The following LRRK2 variants were observed in gnomAD, a reference collection of about 807,000 sequenced individuals.
The protein encoded by LRRK2 is leucine rich repeat kinase 2.
A neutral mutation model predicts 302.6 loss-of-function variants in LRRK2; 203 were observed. That is an observed-to-expected ratio of 0.67 (90% CI 0.60 to 0.75). The LOEUF is 0.75. Among genes scored for constraint, LRRK2 ranks in the 30% least tolerant of loss-of-function variants. LRRK2 has a pLI of 0.00. For synonymous variants in LRRK2, 1,066 were observed against 1,031.9 expected (o/e 1.03, Z -0.63); for missense variants, 2,830 against 2,951.0 (o/e 0.96, Z 0.95).
rs964080333 is a variant in LRRK2, at chr12:40,257,292, G to A, written c.1333G>A (p.Val445Ile). The A allele has an allele frequency of 6.3e-7, 1 of 1,598,812 alleles. No individual in the cohort carries two copies. The highest frequency in any genetic ancestry group is 1.3e-5 in the African/African-American group (1 of 74,574). ...ILLSKGIHLN[V>I]LELMQKHIHS... is the part of the protein sequence containing the mutation. Reference sequence around the variant, plus strand: ...GTTATCAAAAGGAATACACCTGAATGTTTTGGAGTTAATGCAGAAGCATAT... The same window carrying A: ...GTTATCAAAAGGAATACACCTGAATATTTTGGAGTTAATGCAGAAGCATAT... The change falls in exon 12 of 51, where the codon GTT (valine) becomes ATT (isoleucine). Residue 445 changes from valine to isoleucine, a missense_variant. Physicochemically the swap from Val to Ile is conservative, Grantham distance 29. Around this residue, in one of 3 missense-constraint regions of LRRK2, gnomAD observed 2,121 missense variants for 2,148.0 expected, o/e 0.99. Transcript: ENST00000298910.
chr12:40,299,231 G>A lies in LRRK2; in HGVS notation c.3470G>A (p.Ser1157Asn). Residue 1157 changes from serine (S) to asparagine (N), a missense_variant, in exon 25 of 51, where the codon AGT (serine) becomes AAT (asparagine). By Grantham distance (46) the Ser-to-Asn change is conservative. Coordinates refer to ENST00000298910, the MANE Select transcript of LRRK2 (RefSeq NM_198578.4). Reference sequence around the variant, plus strand: ...CTTGAGGCTTGTCCTAAAGTGGAGAGTTTCAGTGCCAGAATGAATTTTCTT... The same window carrying A: ...CTTGAGGCTTGTCCTAAAGTGGAGAATTTCAGTGCCAGAATGAATTTTCTT... ...NFLEACPKVE[S>N]FSARMNFLAA... is the part of the protein sequence containing the mutation. 1 of 1,613,440 alleles carries A rather than the reference G, an allele frequency of 6.2e-7. No homozygotes were observed. The highest frequency in any genetic ancestry group is 8.5e-7 in the Non-Finnish European group (1 of 1,179,716).
chr12:40,310,409 GGTT>G lies in LRRK2; in HGVS notation c.4318-21_4318-19del. ...CCCAGTTTGAAAGCAAACACAAGAG[GGTT>G]TTGTGTCTTTCCCTCCAGGCTCGCG... is the stretch of plus-strand genomic sequence containing the variant. On this transcript the variant is annotated intron_variant, in intron 30 of 50. Transcript: ENST00000298910. 6.2e-7 allele frequency: 1 copy of G among 1,608,400 alleles called. No individual in the cohort carries two copies. Among genetic ancestry groups the G allele is most frequent in the South Asian group, 1.1e-5 (1 of 90,830 alleles).
chr12:40,308,048 G>A (rs1009451525), intron 28 of LRRK2, among the ~76,000 whole-genome samples: 2 of 151,938 alleles, frequency 1.3e-5, no homozygotes, highest in African/African-American at 4.8e-5. Context: ...CCAAAATGCA[G>A]GGATTACAGG....
At chr12:40,353,740 G>A (rs1162128193) in intron 44 of LRRK2, among the ~76,000 whole-genome samples, 2 of 152,238 alleles carry the variant, frequency 1.3e-5, no homozygotes, top group Admixed American at 6.5e-5. Flanking sequence ...CCGGCACCTC[G>A]GGAGGCCGAG....
chr12:40,230,104 AGCTTAC>A (rs1215235984), intron 2 of LRRK2, among the ~76,000 whole-genome samples: 1 of 152,060 alleles, frequency 6.6e-6, no homozygotes, highest in East Asian at 1.9e-4. Context: ...ACGTCTGTTC[AGCTTAC>A]GTGGAGGAGG....
At chr12:40,321,307 C>T in intron 35 of LRRK2, 119 bp downstream of exon 35, 1 of 1,028,286 alleles carries the variant, frequency 9.7e-7, no homozygotes, top group Non-Finnish European at 1.4e-6. Context: ...TCAGAGTTTA[C>T]TTGTTTGGAA....
rs1941414724 is a variant in LRRK2, at chr12:40,235,606, A to T, written c.348-20A>T. The T allele has an allele frequency of 7.2e-6, 11 of 1,517,908 alleles. No individual in the cohort carries two copies. The East Asian group carries it at 2.5e-4, about 34-fold the overall frequency. The allele number at this position is 1,517,908 out of a possible 1,614,324, so 94.0% of individuals were successfully genotyped here. A position where few individuals can be genotyped will look rare whatever the true frequency, so the allele number is the denominator to read the frequency against. ...AGTATGATATTTCATTCTTATCTTG[A>T]TTTCTGTTTTTAACTCCAGATTGAT... On this transcript the variant is annotated intron_variant, in intron 3 of 50. Coordinates refer to ENST00000298910, the MANE Select transcript of LRRK2 (RefSeq NM_198578.4).
intron 43 of LRRK2, among the ~76,000 whole-genome samples, chr12:40,350,683 A>AT (rs1946323535): frequency 6.6e-6 from 1 of 151,950 alleles, no homozygotes; most frequent in Non-Finnish European, 1.5e-5. Context: ...ATATTACATA[A>AT]TTTTTCTTCT....
chr12:40,354,835 AAAAAAAAAATAT>A (rs1465147187), intron 45 of LRRK2, among the ~76,000 whole-genome samples: 85 of 149,282 alleles, frequency 5.7e-4, no homozygotes, highest in Admixed American at 2.6e-3. Flanking sequence ...ATTCTTTGAA[AAAAAAAAAATAT>A]ATATATATAT....
chr12:40,294,595 AC>A (rs1944307767), intron 21 of LRRK2, among the ~76,000 whole-genome samples: 2 of 152,166 alleles, frequency 1.3e-5, no homozygotes, highest in South Asian at 4.1e-4. Context: ...TTTTCACTCA[AC>A]CTTTCTGTTT....
intron 42 of LRRK2, 34 bp from the exon 43 acceptor site, chr12:40,348,375 T>C: frequency 7.1e-7 from 1 of 1,401,628 alleles, no homozygotes; most frequent in Non-Finnish European, 1.0e-6. Context: ...CTTACTTATT[T>C]AGTATGCTAG....
At chr12:40,365,939 T>C (rs1946866604) in intron 49 of LRRK2, 2 of 151,954 alleles carry the variant, frequency 1.3e-5, no homozygotes, top group African/African-American at 4.8e-5. Context: ...TCTCAATAGG[T>C]TGTCTCAGTA....
chr12:40,363,370 A>G (rs536977458), intron 47 of LRRK2, 32 bp from the exon 48 acceptor site: 2 of 1,582,300 alleles, frequency 1.3e-6, no homozygotes, highest in Non-Finnish European at 1.7e-6. Context: ...GAAAACAAAT[A>G]GTGATGACTT....
intron 14 of LRRK2, among the ~76,000 whole-genome samples, chr12:40,268,502 A>G (rs575793624): frequency 2.6e-5 from 4 of 152,312 alleles, no homozygotes; most frequent in African/African-American, 9.6e-5. Context: ...TATGAAGCTT[A>G]GGGGTAGAGA....
intron 19 of LRRK2, among the ~76,000 whole-genome samples, chr12:40,285,050 G>A (rs1429385289): frequency 1.3e-5 from 2 of 151,994 alleles, no homozygotes; most frequent in Non-Finnish European, 2.9e-5. Context: ...GTTCCAATCA[G>A]GCTGAATTTT....
intron 42 of LRRK2, among the ~76,000 whole-genome samples, chr12:40,347,352 A>T (rs1334958238): frequency 6.6e-6 from 1 of 152,210 alleles, no homozygotes; most frequent in African/African-American, 2.4e-5. Flanking sequence ...ATTTAATGTT[A>T]TCAAAGCTCA....
At chr12:40,282,761 G>T (rs891419364) in intron 18 of LRRK2, among the ~76,000 whole-genome samples, 34 of 152,252 alleles carry the variant, frequency 2.2e-4, no homozygotes, top group African/African-American at 7.5e-4. Flanking sequence ...ATAAATGAAT[G>T]TCCCCTCAAA....
chr12:40,284,044 G>C lies in LRRK2; in HGVS notation c.2411G>C (p.Cys804Ser), dbSNP rs748690234. 2.5e-6 allele frequency: 4 copies of C among 1,613,770 alleles called. No individual in the cohort carries two copies. The South Asian group carries it at 4.4e-5, about 18-fold the overall frequency. Residue 804 changes from cysteine (C) to serine (S), a missense_variant, in exon 19 of 51, where the codon TGC becomes TCC. Physicochemically the swap from Cys to Ser is moderately radical, Grantham distance 112 (BLOSUM62 -1). This residue lies in a region of LRRK2 where 2,121 missense variants were observed against 2,148.0 expected (regional missense o/e 0.99). Transcript: ENST00000298910. ...CTGGATGTGGCCAACAATAGCATTTGCCTTGGAGGATTTTGTATAGGAAAA... is the reference window on the plus strand; with the variant it reads ...CTGGATGTGGCCAACAATAGCATTTCCCTTGGAGGATTTTGTATAGGAAAA... ...LALDVANNSI[C>S]LGGFCIGKVE...
Position 40,284,118 on chromosome 12 carries a change from T to C in LRRK2, c.2485T>C (p.Leu829=). ...TTTATTTCCAGATAAGACTTCTAAT[T>C]TAAGGAAACAAACAAGTAAGTAACA... The part of the protein sequence containing the change: ...GPLFPDKTSN[L]RKQTNIASTL... Residue 829 remains leucine, a synonymous_variant, in exon 19 of 51, where the codon TTA becomes CTA. Transcript: ENST00000298910. 1 of 1,610,400 alleles carries C rather than the reference T, an allele frequency of 6.2e-7. No individual in the cohort carries two copies. The highest frequency in any genetic ancestry group is 8.5e-7 in the Non-Finnish European group (1 of 1,177,686).
Sources: allele counts gnomAD v4.1 joint callset (sites outside exome capture counted in the v4.1 genomes callset), GRCh38; gene constraint gnomAD v4.1.1; regional missense constraint gnomAD v4.1.1; transcripts MANE v1.5; gene names NCBI Gene and HGNC (gene_info 2026-07-23, HGNC 2026-07-21).